Variants in MON2 observed in about 807,000 individuals in gnomAD.
The protein encoded by MON2 is MON2 regulator of endosome-to-Golgi trafficking.
A neutral mutation model predicts 208.6 loss-of-function variants in MON2; 84 were observed. The ratio of observed to expected loss-of-function variants is 0.40; its 90% CI spans 0.34 to 0.48. The LOEUF (loss-of-function observed/expected upper bound fraction) is 0.48, where lower values mean the gene tolerates loss of function less well. Among genes scored for constraint, MON2 ranks in the 20% least tolerant of loss-of-function variants. MON2 has a pLI of 0.59. For synonymous variants in MON2, 660 were observed against 694.0 expected, an observed-to-expected ratio of 0.95 and a Z score of 0.77; for missense variants, 1,611 against 2,015.4, an observed-to-expected ratio of 0.80 and a Z score of 3.84.
chr12:62,511,877 A>G (rs1324141018), intron 8 of MON2, among the ~76,000 whole-genome samples: 3 of 152,222 alleles, frequency 2.0e-5, no homozygotes, highest in Non-Finnish European at 4.4e-5. Flanking sequence ...TACAAAAGAA[A>G]GAGATTTATT....
intron 25 of MON2, among the ~76,000 whole-genome samples, chr12:62,557,953 TATATATA>T (rs2074047994): frequency 1.1e-4 from 3 of 28,374 alleles, no homozygotes; most frequent in East Asian, 1.1e-3. Context: ...TATATATATA[TATATATA>T]TATTTTTTTT....
At chr12:62,549,906 A>G in intron 23 of MON2, 76 bp downstream of exon 23, 4 of 968,604 alleles carry the variant, frequency 4.1e-6, no homozygotes, top group Non-Finnish European at 2.9e-6. Flanking sequence ...TGCTAAGCAA[A>G]TATACTTTTA....
At chr12:62,545,325 G>A (rs748434921) in intron 21 of MON2, among the ~76,000 whole-genome samples, 104 of 151,528 alleles carry the variant, frequency 6.9e-4, no homozygotes, top group Admixed American at 1.5e-3. Context: ...GTCTTCACAT[G>A]TCCCTGGATT....
intron 8 of MON2, among the ~76,000 whole-genome samples, chr12:62,518,485 T>C (rs78035939): frequency 0.032 from 4,897 of 152,302 alleles, 277 homozygotes; most frequent in African/African-American, 0.11. Context: ...AACACACTTT[T>C]AACCCCACTA....
Position 62,558,814 on chromosome 12 carries a change from C to T in MON2, c.3410-1677C>T, listed in dbSNP as rs143967504. On this transcript the variant is annotated intron_variant, in intron 25 of 34. Coordinates refer to ENST00000393630, the MANE Select transcript of MON2 (RefSeq NM_015026.3). ...CTAGGTTCAAGCGATTCTCTTGCCTCGGCCTCTGAGTAGCTGGGATTACAG... is the reference window on the plus strand; with the variant it reads ...CTAGGTTCAAGCGATTCTCTTGCCTTGGCCTCTGAGTAGCTGGGATTACAG... 2.1e-3 allele frequency among the ~76,000 whole-genome samples: 314 copies of T among 151,530 alleles called. 1 individual carries two copies. In the South Asian group the frequency reaches 0.022, roughly 11 times the overall value.
intron 7 of MON2, among the ~76,000 whole-genome samples, chr12:62,502,630 A>G (rs568366714): frequency 6.6e-5 from 10 of 152,296 alleles, no homozygotes; most frequent in African/African-American, 2.4e-4. Context: ...ATAATATTTA[A>G]AAGCTTAAAG....
At position 62,597,218 on chromosome 12, in the gene MON2, T is replaced by A. The variant is rs1446306718; in HGVS notation, c.*4469T>A. The A allele has an allele frequency of 6.6e-6, 1 of 152,138 alleles. No homozygotes were observed. Among genetic ancestry groups the A allele is most frequent in the African/African-American group, 2.4e-5 (1 of 41,440 alleles). 9.4% of individuals were successfully genotyped at this position (152,138 alleles called of 1,614,324 possible). On this transcript the variant is annotated 3_prime_UTR_variant, in exon 35 of 35. Coordinates refer to ENST00000393630, the MANE Select transcript of MON2 (RefSeq NM_015026.3). ...TTTTCTTGGACATCACTTTCTTCCC[T>A]CCCCTTCTCTCTTTTATGTTTTTAT...
At chr12:62,558,184 G>A (rs572983253) in intron 25 of MON2, among the ~76,000 whole-genome samples, 2 of 151,058 alleles carry the variant, frequency 1.3e-5, no homozygotes, top group South Asian at 2.1e-4. Flanking sequence ...CTTCATGTTG[G>A]TCAGGCTAGT....
intron 20 of MON2, 102 bp downstream of exon 20, chr12:62,543,300 T>TC: frequency 3.6e-6 from 2 of 550,112 alleles, no homozygotes; most frequent in Non-Finnish European, 5.9e-6. Flanking sequence ...TAACTTTTTT[T>TC]CCCCCTTTCC....
At chr12:62,534,797 G>A (rs1186920268) in intron 12 of MON2, 48 bp from the exon 13 acceptor site, 2 of 1,340,874 alleles carry the variant, frequency 1.5e-6, no homozygotes, top group South Asian at 2.4e-5. Flanking sequence ...AATACATATT[G>A]TGCTATCTAT....
rs1051463285 is a variant in MON2, at chr12:62,595,362, C to T, written c.*2613C>T. 4.6e-5 allele frequency: 7 copies of T among 152,258 alleles called. No individual in the cohort carries two copies. Among genetic ancestry groups the T allele is most frequent in the African/African-American group, 1.4e-4 (6 of 41,520 alleles). 9.4% of individuals were successfully genotyped at this position (152,258 alleles called of 1,614,324 possible). A position where few individuals can be genotyped will look rare whatever the true frequency, so the allele number is the denominator to read the frequency against. On this transcript the variant is annotated 3_prime_UTR_variant, in exon 35 of 35. Coordinates refer to ENST00000393630, the MANE Select transcript of MON2 (RefSeq NM_015026.3). ...GTTTCACCATTTTGGCCATTCTAGT[C>T]TTGAACTCCTGACCTCAGGTGATCT... is the stretch of plus-strand genomic sequence containing the variant.
intron 32 of MON2, among the ~76,000 whole-genome samples, 182 bp from the exon 33 acceptor site, chr12:62,585,100 CACACACACACAA>C (rs1230022172): frequency 0.012 from 669 of 55,952 alleles, 16 homozygotes; most frequent in Non-Finnish European, 0.018. Flanking sequence ...CACACACACA[CACACACACACAA>C]AACAAAAAAA....
At chr12:62,490,845 A>G (rs746161084) in intron 2 of MON2, among the ~76,000 whole-genome samples, 2 of 152,160 alleles carry the variant, frequency 1.3e-5, no homozygotes, top group South Asian at 2.1e-4. Flanking sequence ...ATTAATTTCT[A>G]TTACTATCGT....
At chr12:62,469,604 C>G (rs1428446258) in intron 1 of MON2, among the ~76,000 whole-genome samples, 1 of 152,142 alleles carries the variant, frequency 6.6e-6, no homozygotes, top group Non-Finnish European at 1.5e-5. Flanking sequence ...CAAAGAGAGT[C>G]ATTAGCCTAA....
At chr12:62,483,632 C>T (rs2069581590) in intron 1 of MON2, among the ~76,000 whole-genome samples, 1 of 152,186 alleles carries the variant, frequency 6.6e-6, no homozygotes, top group African/African-American at 2.4e-5. Context: ...AGGAGAATGG[C>T]TTGAACCAGG....
chr12:62,564,017 A>G (rs1399718497), intron 26 of MON2, among the ~76,000 whole-genome samples: 1 of 152,112 alleles, frequency 6.6e-6, no homozygotes, highest in East Asian at 1.9e-4. Context: ...AAATTTTACT[A>G]TTCAAATTCT....
intron 1 of MON2, among the ~76,000 whole-genome samples, chr12:62,475,970 C>T (rs1411934486): frequency 6.6e-6 from 1 of 151,892 alleles, no homozygotes; most frequent in Non-Finnish European, 1.5e-5. Flanking sequence ...GAGATCTCGC[C>T]ATTGCACTCC....
chr12:62,566,398 C>T lies in MON2; in HGVS notation c.4271C>T (p.Thr1424Ile). Residue 1424 changes from threonine (T) to isoleucine (I), a missense_variant, in exon 29 of 35, where the codon ACA becomes ATA. Coordinates refer to ENST00000393630, the MANE Select transcript of MON2 (RefSeq NM_015026.3). ...GTAGTTGTGGATTTATACCAAAAAA[C>T]AGCGTGTCACAAAGCAGTGGTGAAT... ...LEVVVDLYQK[T>I]ACHKAVVNEK... 1.9e-6 allele frequency: 3 copies of T among 1,613,664 alleles called. No individual in the cohort carries two copies. The highest frequency in any genetic ancestry group is 2.5e-6 in the Non-Finnish European group (3 of 1,179,740).
At position 62,500,911 on chromosome 12, in the gene MON2, C is replaced by G. The variant is rs775133986; in HGVS notation, c.663+31C>G. On this transcript the variant is annotated intron_variant, in intron 6 of 34. Coordinates refer to ENST00000393630, the MANE Select transcript of MON2 (RefSeq NM_015026.3). ...TTAGTTGATAAAAGTAATTTTTATT[C>G]TAAAATATAGTTTTGTGTGAATTTT... 3.1e-6 allele frequency: 4 copies of G among 1,295,100 alleles called. No homozygotes were observed. The South Asian group carries it at 4.3e-5, about 14-fold the overall frequency. 80.2% of individuals were successfully genotyped at this position (1,295,100 alleles called of 1,614,324 possible). A position where few individuals can be genotyped will look rare whatever the true frequency, so the allele number is the denominator to read the frequency against.
Sources: allele counts gnomAD v4.1 joint callset (sites outside exome capture counted in the v4.1 genomes callset), GRCh38; gene constraint gnomAD v4.1.1; transcripts MANE v1.5; gene names NCBI Gene and HGNC (gene_info 2026-07-23, HGNC 2026-07-21).